The following UBAC2 variants were observed in gnomAD, a reference collection of about 807,000 sequenced individuals.
The protein encoded by UBAC2 is UBA domain containing 2, also known as ubiquitin-associated domain-containing protein 2.
Under a neutral mutation model 44.0 loss-of-function variants are expected in UBAC2, and 26 were observed. That is an observed-to-expected ratio of 0.59 (90% CI 0.43 to 0.82). The LOEUF (loss-of-function observed/expected upper bound fraction) is 0.82, where lower values mean the gene tolerates loss of function less well. Ranked by LOEUF, UBAC2 falls within the 40% of genes least tolerant of loss-of-function variation. The pLI is 0.00. For synonymous variants in UBAC2, 155 were observed against 154.3 expected (o/e 1.00, Z -0.04); for missense variants, 329 against 419.4 (o/e 0.78, Z 1.88).
intron 7 of UBAC2, among the ~76,000 whole-genome samples, chr13:99,357,940 C>A (rs1344744874): frequency 6.6e-6 from 1 of 152,176 alleles, no homozygotes; most frequent in East Asian, 1.9e-4. Context: ...TATGCCAGGT[C>A]GTACAGGAGG....
intron 1 of UBAC2, among the ~76,000 whole-genome samples, chr13:99,207,541 C>T (rs1441592238): frequency 3.3e-5 from 5 of 152,262 alleles, no homozygotes; most frequent in South Asian, 2.1e-4. Context: ...TCTTCGATGG[C>T]GGGGCCCTGT....
At chr13:99,318,721 T>G (rs1241823014) in intron 6 of UBAC2, among the ~76,000 whole-genome samples, 1 of 148,222 alleles carries the variant, frequency 6.7e-6, no homozygotes, top group Non-Finnish European at 1.5e-5. Flanking sequence ...CTCAGGAGGC[T>G]GAGGCAGGAG....
chr13:99,377,301 A>C (rs12861519), intron 8 of UBAC2: 38,883 of 152,216 alleles, frequency 0.26, 5,544 homozygotes, highest in South Asian at 0.43. Context: ...CAGTCCTTAG[A>C]GCAGAGGAGA....
intron 4 of UBAC2, among the ~76,000 whole-genome samples, chr13:99,303,118 C>T (rs2044280818): frequency 6.6e-6 from 1 of 152,178 alleles, no homozygotes; most frequent in African/African-American, 2.4e-5. Flanking sequence ...AACCCCATTG[C>T]ATATCCTGGG....
chr13:99,382,957 CAA>C (rs2045570279), intron 8 of UBAC2, among the ~76,000 whole-genome samples: 1 of 152,158 alleles, frequency 6.6e-6, no homozygotes, highest in African/African-American at 2.4e-5. Context: ...GTCACACCCG[CAA>C]AGTGCTTTAT....
chr13:99,282,575 A>T (rs1465322188), intron 4 of UBAC2, among the ~76,000 whole-genome samples: 1 of 152,086 alleles, frequency 6.6e-6, no homozygotes, highest in East Asian at 1.9e-4. Context: ...TCAAAAAGAA[A>T]TAAAGATATT....
intron 4 of UBAC2, chr13:99,294,796 T>A (rs2085489601): frequency 3.4e-6 from 1 of 293,614 alleles, no homozygotes; most frequent in African/African-American, 2.2e-5. Flanking sequence ...CTTTTTACAT[T>A]GGGAGTTATT....
intron 7 of UBAC2, among the ~76,000 whole-genome samples, chr13:99,341,596 T>C (rs978605769): frequency 6.6e-6 from 1 of 152,128 alleles, no homozygotes; most frequent in Admixed American, 6.6e-5. Context: ...ATGTGGAAGC[T>C]ACATATATAT....
intron 4 of UBAC2, among the ~76,000 whole-genome samples, chr13:99,266,388 CAT>C (rs1156562578): frequency 6.6e-6 from 1 of 151,932 alleles, no homozygotes; most frequent in Non-Finnish European, 1.5e-5. Context: ...GGAAAAAACT[CAT>C]AATATTTTAA....
chr13:99,359,033 C>A (rs2045228661), intron 7 of UBAC2, among the ~76,000 whole-genome samples: 1 of 152,066 alleles, frequency 6.6e-6, no homozygotes, highest in Non-Finnish European at 1.5e-5. Context: ...GAGAAACACT[C>A]CCCACATGGA....
intron 4 of UBAC2, among the ~76,000 whole-genome samples, chr13:99,266,579 C>G (rs906330735): frequency 6.6e-6 from 1 of 152,120 alleles, no homozygotes. Flanking sequence ...ATGTGTATTC[C>G]TGGGCTAGGG....
chr13:99,379,522 TGATA>T (rs1158814098), intron 8 of UBAC2, among the ~76,000 whole-genome samples: 1 of 152,250 alleles, frequency 6.6e-6, no homozygotes, highest in African/African-American at 2.4e-5. Context: ...TTCCTCATCC[TGATA>T]GATCCTTGCT....
At chr13:99,245,176 T>A (rs1216419726) in intron 4 of UBAC2, among the ~76,000 whole-genome samples, 2 of 152,202 alleles carry the variant, frequency 1.3e-5, no homozygotes, top group Non-Finnish European at 2.9e-5. Context: ...TAGAGAATTT[T>A]AAGTGAATTT....
In UBAC2 at chr13:99,252,076, A is replaced by G. The variant is rs140772906; in HGVS notation, c.389+7452A>G. Among the ~76,000 whole-genome samples, 9 of 152,286 alleles carry G rather than the reference A, an allele frequency of 5.9e-5. No individual in the cohort carries two copies. In the East Asian group the frequency reaches 1.7e-3, roughly 29 times the overall value. On this transcript the variant is annotated intron_variant, in intron 4 of 8. Transcript: ENST00000403766. ...CCATGCCCAACTCTTCTTTCCTTTC[A>G]GAGTCCTCCTCATCTGACCACCAGC...
intron 1 of UBAC2, chr13:99,201,357 C>T (rs1211073845): frequency 6.4e-7 from 1 of 1,564,356 alleles, no homozygotes; most frequent in Non-Finnish European, 8.7e-7. Flanking sequence ...TCCCCCCGCC[C>T]CCACTTGCAA....
At chr13:99,214,820 CTGTT>C (rs1426533795) in intron 1 of UBAC2, among the ~76,000 whole-genome samples, 1 of 113,212 alleles carries the variant, frequency 8.8e-6, no homozygotes, top group Non-Finnish European at 2.2e-5. Flanking sequence ...GGTGAAAAGG[CTGTT>C]TGTAGACTGT....
chr13:99,281,212 CA>C (rs1233337462), intron 4 of UBAC2, among the ~76,000 whole-genome samples: 1 of 146,574 alleles, frequency 6.8e-6, no homozygotes. Context: ...CAAAACAAAA[CA>C]AAAAAAAACA....
chr13:99,338,047 CTTTTTTTTTTTTTTT>C lies in UBAC2; in HGVS notation c.562-2259_562-2245del, dbSNP rs869112086. On this transcript the variant is annotated intron_variant, in intron 6 of 8. Transcript: ENST00000403766. ...ATCTCCTAACTTTTTTTCTTTTTTT[CTTTTTTTTTTTTTTT>C]TTTTTTTTTTTTTGAGACAGAGTCT... is the stretch of plus-strand genomic sequence containing the variant. 2.4e-3 allele frequency among the ~76,000 whole-genome samples: 119 copies of C among 48,878 alleles called. 7 individuals carry two copies. In the East Asian group the frequency reaches 0.068, roughly 28 times the overall value. The allele number at this position is 48,878 out of a possible 152,430, so 32.1% of individuals were successfully genotyped here.
chr13:99,213,111 C>G (rs61968338), intron 1 of UBAC2, among the ~76,000 whole-genome samples: 15,067 of 151,920 alleles, frequency 0.099, 892 homozygotes, highest in South Asian at 0.27. Flanking sequence ...TATACATATA[C>G]CTATACATTT....
Sources: gnomAD v4.1 joint callset for allele counts (sites outside exome capture counted in the v4.1 genomes callset) on GRCh38, gnomAD v4.1.1 for gene constraint, MANE v1.5 for transcripts, NCBI Gene and HGNC (gene_info 2026-07-23, HGNC 2026-07-21) for gene names.